The following RNF150 variants were observed in gnomAD, a reference collection of about 807,000 sequenced individuals.
RNF150 encodes ring finger protein 150.
Under a neutral mutation model 39.3 loss-of-function variants are expected in RNF150, and 24 were observed. The ratio of observed to expected loss-of-function variants is 0.61; its 90% CI spans 0.44 to 0.86. RNF150 has a LOEUF of 0.86. RNF150 is among the 40% of genes least tolerant of loss of function. RNF150 has a pLI of 0.00. For synonymous variants in RNF150, 255 were observed against 227.3 expected, an observed-to-expected ratio of 1.12 and a Z score of -1.10; for missense variants, 502 against 587.8, an observed-to-expected ratio of 0.85 and a Z score of 1.51.
At chr4:141,101,129 A>G (rs1365217335) in intron 1 of RNF150, among the ~76,000 whole-genome samples, 1 of 152,188 alleles carries the variant, frequency 6.6e-6, no homozygotes, top group African/African-American at 2.4e-5. Flanking sequence ...TTATTTTAAA[A>G]TTATTCTGTC....
chr4:141,155,193 C>A (rs534025186), intron 1 of RNF150, among the ~76,000 whole-genome samples: 3 of 152,170 alleles, frequency 2.0e-5, no homozygotes, highest in African/African-American at 7.2e-5. Context: ...TCAAACAATT[C>A]TCCTGCCTCA....
At chr4:140,925,923 G>A (rs13138724) in intron 5 of RNF150, 54 bp downstream of exon 5, 708,456 of 1,258,504 alleles carry the variant, frequency 0.56, 204,838 homozygotes, top group East Asian at 0.91. Flanking sequence ...TCCCTGCTTT[G>A]AGGGCAACGC....
chr4:140,872,768 T>C (rs1472784643), intron 6 of RNF150, among the ~76,000 whole-genome samples: 2 of 152,196 alleles, frequency 1.3e-5, no homozygotes, highest in South Asian at 2.1e-4. Context: ...GAAGCAGGTG[T>C]TAGAACTACA....
intron 4 of RNF150, among the ~76,000 whole-genome samples, chr4:140,932,172 G>A (rs1245544323): frequency 6.6e-6 from 1 of 152,146 alleles, no homozygotes; most frequent in Non-Finnish European, 1.5e-5. Flanking sequence ...CAGGCAACAT[G>A]AACTATTTTA....
intron 1 of RNF150, among the ~76,000 whole-genome samples, chr4:140,971,154 C>T (rs188452988): frequency 3.3e-5 from 5 of 152,140 alleles, no homozygotes; most frequent in Admixed American, 3.3e-4. Context: ...TATCAAATTC[C>T]CTGATCTTTG....
chr4:141,026,132 T>C (rs1735686857), intron 1 of RNF150, among the ~76,000 whole-genome samples: 1 of 152,120 alleles, frequency 6.6e-6, no homozygotes, highest in Non-Finnish European at 1.5e-5. Flanking sequence ...GAGAAATAAA[T>C]TGTTATTCAA....
chr4:141,104,005 AAGG>A (rs1033394590), intron 1 of RNF150, among the ~76,000 whole-genome samples: 2 of 152,214 alleles, frequency 1.3e-5, no homozygotes, highest in Non-Finnish European at 2.9e-5. Flanking sequence ...CATATTTATT[AAGG>A]TTTTGCAATA....
At chr4:141,118,697 A>T (rs2111080419) in intron 1 of RNF150, among the ~76,000 whole-genome samples, 1 of 152,260 alleles carries the variant, frequency 6.6e-6, no homozygotes, top group South Asian at 2.1e-4. Flanking sequence ...TCAGTTGCTA[A>T]ATCAAACCAC....
At chr4:141,043,721 G>A (rs916302410) in intron 1 of RNF150, among the ~76,000 whole-genome samples, 28 of 152,080 alleles carry the variant, frequency 1.8e-4, no homozygotes, top group Admixed American at 6.6e-5. Context: ...ATACCAGAAA[G>A]TTTCTGAATA....
intron 1 of RNF150, among the ~76,000 whole-genome samples, chr4:141,159,185 G>A (rs760061825): frequency 2.6e-5 from 4 of 152,120 alleles, no homozygotes; most frequent in Non-Finnish European, 5.9e-5. Flanking sequence ...GTAAAGAACT[G>A]GGTAAGAAAA....
At chr4:141,102,800 A>G (rs895469774) in intron 1 of RNF150, among the ~76,000 whole-genome samples, 1 of 152,248 alleles carries the variant, frequency 6.6e-6, no homozygotes, top group Admixed American at 6.5e-5. Context: ...GTCTCCAGCA[A>G]AAGTAAATAA....
At chr4:140,897,940 C>A (rs1730023166) in intron 6 of RNF150, among the ~76,000 whole-genome samples, 1 of 152,174 alleles carries the variant, frequency 6.6e-6, no homozygotes. Context: ...CCTAGCTTTA[C>A]TACCAAGAAC....
intron 1 of RNF150, among the ~76,000 whole-genome samples, chr4:141,098,850 G>T (rs985246090): frequency 1.3e-5 from 2 of 152,130 alleles, no homozygotes; most frequent in Non-Finnish European, 2.9e-5. Context: ...GAGACATCAG[G>T]AAGTTTTATT....
intron 4 of RNF150, among the ~76,000 whole-genome samples, chr4:140,937,859 A>G (rs1270445594): frequency 1.3e-5 from 2 of 152,168 alleles, no homozygotes; most frequent in Non-Finnish European, 2.9e-5. Flanking sequence ...AAATAGATTG[A>G]CCAATTCATA....
chr4:141,165,284 C>T (rs1383056109), intron 1 of RNF150, among the ~76,000 whole-genome samples: 2 of 152,040 alleles, frequency 1.3e-5, no homozygotes, highest in African/African-American at 4.8e-5. Flanking sequence ...ACAGGAGCAC[C>T]CAGATTCATA....
At chr4:141,001,739 A>T (rs1293991116) in intron 1 of RNF150, among the ~76,000 whole-genome samples, 1 of 152,142 alleles carries the variant, frequency 6.6e-6, no homozygotes, top group Non-Finnish European at 1.5e-5. Context: ...TAAATGGAAA[A>T]GGAGCAATAG....
At chr4:140,904,007 T>A (rs772080811) in intron 6 of RNF150, among the ~76,000 whole-genome samples, 1 of 152,202 alleles carries the variant, frequency 6.6e-6, no homozygotes, top group Non-Finnish European at 1.5e-5. Context: ...GTGTTTTCAA[T>A]GGAGGAGAAA....
At chr4:141,203,792 C>A (rs901369968) in intron 1 of RNF150, among the ~76,000 whole-genome samples, 10 of 149,616 alleles carry the variant, frequency 6.7e-5, no homozygotes, top group African/African-American at 2.4e-4. Flanking sequence ...ACAGCAGCAA[C>A]AGCATCTAGT....
upstream of RNF150, among the ~76,000 whole-genome samples, chr4:141,134,650 G>A (rs1419388906): frequency 6.6e-6 from 1 of 152,210 alleles, no homozygotes; most frequent in Non-Finnish European, 1.5e-5. Context: ...GAACTACTTA[G>A]AAGAATTTGT....
Sources: gnomAD v4.1 joint callset for allele counts (sites outside exome capture counted in the v4.1 genomes callset) on GRCh38, gnomAD v4.1.1 for gene constraint, MANE v1.5 for transcripts, NCBI Gene and HGNC (gene_info 2026-07-23, HGNC 2026-07-21) for gene names.